Variants in KIF13A observed in about 807,000 individuals in gnomAD.
The protein encoded by KIF13A is kinesin family member 13A.
A neutral mutation model predicts 212.2 loss-of-function variants in KIF13A; 79 were observed. The observed-to-expected ratio is 0.37, with a 90% CI of 0.31 to 0.45. The LOEUF is 0.45. Ranked by LOEUF, KIF13A falls within the 20% of genes least tolerant of loss-of-function variation. The pLI is 1.00. For synonymous variants in KIF13A, 789 were observed against 808.6 expected, an observed-to-expected ratio of 0.98 and a Z score of 0.41; for missense variants, 1,901 against 2,209.0, an observed-to-expected ratio of 0.86 and a Z score of 2.79.
At chr6:17,931,957 A>G (rs901809874) in intron 2 of KIF13A, among the ~76,000 whole-genome samples, 13 of 152,158 alleles carry the variant, frequency 8.5e-5, no homozygotes, top group African/African-American at 2.7e-4. Flanking sequence ...GTTCCCCACA[A>G]TGGTTCCCAA....
rs1306966827 is a variant in KIF13A, at chr6:17,883,206, C to A, written c.160-9769G>T. On this transcript the variant is annotated intron_variant, in intron 3 of 38. Transcript: ENST00000259711. The surrounding 1 kb of genome is among the most constrained non-coding windows in gnomAD (Gnocchi z 4.8). Reference sequence around the variant, plus strand: ...CTCTACAAAAAATAACATTAGCCAGCTGCAGGGGCATGTGCCTATAGTCCC... The same window carrying A: ...CTCTACAAAAAATAACATTAGCCAGATGCAGGGGCATGTGCCTATAGTCCC... Among the ~76,000 whole-genome samples, 1 of 152,036 alleles carries A rather than the reference C, an allele frequency of 6.6e-6. No individual in the cohort carries two copies. The highest frequency in any genetic ancestry group is 1.5e-5 in the Non-Finnish European group (1 of 68,010).
intron 2 of KIF13A, among the ~76,000 whole-genome samples, chr6:17,908,666 T>A (rs1773748800): frequency 6.6e-6 from 1 of 151,702 alleles, no homozygotes; most frequent in African/African-American, 2.4e-5. Flanking sequence ...AATCCTGATA[T>A]GCCTTCTTAA....
At position 17,873,365 on chromosome 6, in the gene KIF13A, G is replaced by T; in HGVS notation, c.220+12C>A. 1 of 1,581,872 alleles carries T rather than the reference G, an allele frequency of 6.3e-7. No individual in the cohort carries two copies. The highest frequency in any genetic ancestry group is 2.3e-5 in the East Asian group (1 of 44,050). On this transcript the variant is annotated intron_variant, in intron 4 of 38. Coordinates refer to ENST00000259711, the MANE Select transcript of KIF13A (RefSeq NM_022113.6). ...GAAGCCCAACTGTCAGGTGTAGAGG[G>T]AGAAAACTTACCAGCGTATTTTGTA...
rs761409991 is a variant in KIF13A, at chr6:17,817,158, C to T, written c.1862G>A (p.Arg621Gln). 23 of 1,613,842 alleles carry T rather than the reference C, an allele frequency of 1.4e-5. No homozygotes were observed. Among genetic ancestry groups the T allele is most frequent in the Middle Eastern group, 1.6e-4 (1 of 6,084 alleles). The change falls in exon 17 of 39, where the codon CGG (arginine) becomes CAG (glutamine). Residue 621 changes from arginine (R) to glutamine (Q), a missense_variant. Physicochemically the swap from Arg to Gln is conservative, Grantham distance 43. Transcript: ENST00000259711. ...CTCCAGTTCCCGCTCATACATGAGC[C>T]GCTGCTCCTCTAGGGCACTTCTCTT... ...EEKRSALEEQ[R>Q]LMYERELEQL...
At chr6:17,806,913 C>T (rs1467586888) in intron 18 of KIF13A, among the ~76,000 whole-genome samples, 9 of 152,148 alleles carry the variant, frequency 5.9e-5, no homozygotes, top group Non-Finnish European at 1.0e-4. Flanking sequence ...TCAGGGACCC[C>T]AAACGGAGGG....
intron 2 of KIF13A, among the ~76,000 whole-genome samples, chr6:17,908,169 T>A (rs1278318353): frequency 1.3e-5 from 2 of 152,210 alleles, no homozygotes; most frequent in African/African-American, 4.8e-5. Flanking sequence ...CTACAAAGAT[T>A]GAACGACTGC....
rs1047523652 is a variant in KIF13A at position 17,900,006 on chromosome 6, A to G, written c.147-1826T>C. Among the ~76,000 whole-genome samples the G allele has an allele frequency of 6.6e-6, 1 of 152,176 alleles. No individual in the cohort carries two copies. Among genetic ancestry groups the G allele is most frequent in the Non-Finnish European group, 1.5e-5 (1 of 68,032 alleles). On this transcript the variant is annotated intron_variant, in intron 2 of 38. Transcript: ENST00000259711. This position sits in a 1 kb window ranked among gnomAD's most constrained non-coding sequence, Gnocchi z 4.6. ...ACCATATTTTTGACTAAACCTTCTC[A>G]TTTTGCTTGCTTTATTCTTTAAAAG...
rs2150305008 is a variant in KIF13A, at chr6:17,779,616, A to G, written c.3915T>C (p.Tyr1305=). The change falls in exon 32 of 39, where the codon TAT becomes TAC. Residue 1305 remains tyrosine (Y), a synonymous_variant. Coordinates refer to ENST00000259711, the MANE Select transcript of KIF13A (RefSeq NM_022113.6). ...KNIFYSCGVT[Y]EIVSNIPKAT... ...CCTTTGGTATATTGGATACTATTTC[A>G]TAGGTTACACCACAGGAATAAAATA... 1.3e-6 allele frequency: 2 copies of G among 1,498,788 alleles called. No homozygotes were observed. Among genetic ancestry groups the G allele is most frequent in the South Asian group, 2.3e-5 (2 of 86,394 alleles). The allele number at this position is 1,498,788 out of a possible 1,614,324, so 92.8% of individuals were successfully genotyped here. A position where few individuals can be genotyped will look rare whatever the true frequency, so the allele number is the denominator to read the frequency against.
chr6:17,928,346 C>T (rs1775679032), intron 2 of KIF13A, among the ~76,000 whole-genome samples: 1 of 152,148 alleles, frequency 6.6e-6, no homozygotes, highest in East Asian at 1.9e-4. Context: ...GGAAACCTTT[C>T]CACACCAGTT....
At chr6:17,779,340 C>A (rs1269311367) in intron 32 of KIF13A, among the ~76,000 whole-genome samples, 1 of 143,508 alleles carries the variant, frequency 7.0e-6, no homozygotes. Flanking sequence ...GGCGCGATCT[C>A]GGCTCACTGC....
Position 17,982,601 on chromosome 6 carries a change from G to C in KIF13A, c.146+4453C>G, listed in dbSNP as rs886647548. Among the ~76,000 whole-genome samples the C allele has an allele frequency of 3.2e-4, 49 of 152,114 alleles. No individual in the cohort carries two copies. Among genetic ancestry groups the C allele is most frequent in the African/African-American group, 1.1e-3 (46 of 41,416 alleles). On this transcript the variant is annotated intron_variant, in intron 2 of 38. Transcript: ENST00000259711. This position sits in a 1 kb window ranked among gnomAD's most constrained non-coding sequence, Gnocchi z 5.1. Reference sequence around the variant, plus strand: ...AAACTTTCATGCTCTTCTACCGAGAGCCCATATTTAGCCCAACATTTTATT... The same window carrying C: ...AAACTTTCATGCTCTTCTACCGAGACCCCATATTTAGCCCAACATTTTATT...
At chr6:17,913,889 C>T (rs1334117089) in intron 2 of KIF13A, among the ~76,000 whole-genome samples, 1 of 152,190 alleles carries the variant, frequency 6.6e-6, no homozygotes, top group Non-Finnish European at 1.5e-5. Flanking sequence ...CACCACCCAG[C>T]CCTGAGCTCA....
At chr6:17,923,610 C>A (rs945126673) in intron 2 of KIF13A, among the ~76,000 whole-genome samples, 14 of 151,702 alleles carry the variant, frequency 9.2e-5, no homozygotes, top group Admixed American at 2.6e-4. Context: ...ATTGGGGTGA[C>A]CCTCTTCACA....
intron 2 of KIF13A, among the ~76,000 whole-genome samples, chr6:17,932,426 G>A (rs961435553): frequency 5.3e-5 from 8 of 152,146 alleles, no homozygotes; most frequent in Non-Finnish European, 8.8e-5. Context: ...GTAACGTTGC[G>A]ACCTTATGAA....
intron 26 of KIF13A, among the ~76,000 whole-genome samples, chr6:17,788,786 A>C (rs1761277550): frequency 6.6e-6 from 1 of 152,106 alleles, no homozygotes; most frequent in South Asian, 2.1e-4. Context: ...GTGCAGTGGC[A>C]CAATCTCGGC....
downstream of KIF13A, among the ~76,000 whole-genome samples, chr6:17,763,527 G>T (rs1427458650): frequency 6.7e-6 from 1 of 148,274 alleles, no homozygotes; most frequent in Non-Finnish European, 1.5e-5. Flanking sequence ...ATTATAAACT[G>T]AGTTACTTCC....
At chr6:17,877,983 G>A (rs1454822951) in intron 3 of KIF13A, among the ~76,000 whole-genome samples, 1 of 152,140 alleles carries the variant, frequency 6.6e-6, no homozygotes, top group Non-Finnish European at 1.5e-5. Flanking sequence ...TGTGCTAAGC[G>A]CTAGAATTAT....
chr6:17,938,854 A>G (rs1776711672), intron 2 of KIF13A, among the ~76,000 whole-genome samples: 2 of 149,692 alleles, frequency 1.3e-5, no homozygotes, highest in African/African-American at 4.9e-5. Context: ...GCAACGAAAA[A>G]GTTGTGTTGT....
In KIF13A at chr6:17,786,963, A is replaced by G. The variant is rs965506407; in HGVS notation, c.3361+813T>C. 6.6e-6 allele frequency among the ~76,000 whole-genome samples: 1 copy of G among 152,032 alleles called. No individual in the cohort carries two copies. The highest frequency in any genetic ancestry group is 6.6e-5 in the Admixed American group (1 of 15,254). On this transcript the variant is annotated intron_variant, in intron 27 of 38. Coordinates refer to ENST00000259711, the MANE Select transcript of KIF13A (RefSeq NM_022113.6). This position sits in a 1 kb window ranked among gnomAD's most constrained non-coding sequence, Gnocchi z 5.4. ...CTAAGGATTTTAAGTGCATATTTCT[A>G]CTCTAGAATCCAAGTGGCCACTGCT...
Sources: gnomAD v4.1 joint callset for allele counts (sites outside exome capture counted in the v4.1 genomes callset) on GRCh38, gnomAD v4.1.1 for gene constraint, Gnocchi (gnomAD v3.1) non-coding constraint, MANE v1.5 for transcripts, NCBI Gene and HGNC (gene_info 2026-07-23, HGNC 2026-07-21) for gene names.